IMMP2L: variants seen among roughly 807,000 people sequenced by gnomAD.
The protein encoded by IMMP2L is mitochondrial inner membrane protease subunit 2.
IMMP2L carries 18 observed loss-of-function variants against 19.3 expected under a neutral mutation model. The observed-to-expected ratio is 0.93, with a 90% CI of 0.64 to 1.38. IMMP2L has a LOEUF of 1.38. Among genes scored for constraint, IMMP2L ranks in the 40% most tolerant of loss-of-function variants. IMMP2L has a pLI of 0.00. For missense variants in IMMP2L, 233 were observed against 218.2 expected (o/e 1.07, Z -0.43); for synonymous variants, 76 against 73.0 (o/e 1.04, Z -0.21).
chr7:111,515,342 T>C (rs906561541), intron 2 of IMMP2L, among the ~76,000 whole-genome samples: 1 of 152,164 alleles, frequency 6.6e-6, no homozygotes, highest in African/African-American at 2.4e-5. Flanking sequence ...GAACAGATTT[T>C]TGCTTTAGTC....
intron 3 of IMMP2L, among the ~76,000 whole-genome samples, chr7:111,077,010 C>T (rs540067159): frequency 1.3e-5 from 2 of 152,322 alleles, no homozygotes; most frequent in South Asian, 2.1e-4. Flanking sequence ...TGAGCTGAGT[C>T]TCAGGCTCAG....
intron 3 of IMMP2L, among the ~76,000 whole-genome samples, chr7:111,329,462 G>A (rs899074325): frequency 6.6e-5 from 10 of 151,756 alleles, no homozygotes; most frequent in East Asian, 5.8e-4. Flanking sequence ...CTACACAAAC[G>A]AGAGCAGAGA....
chr7:110,678,334 T>C (rs17157892), intron 5 of IMMP2L, among the ~76,000 whole-genome samples: 4,291 of 152,202 alleles, frequency 0.028, 197 homozygotes, highest in African/African-American at 0.097. Flanking sequence ...ATAGACATAG[T>C]TTAAATATGC....
At chr7:110,973,403 C>T (rs899659039) in intron 3 of IMMP2L, among the ~76,000 whole-genome samples, 9 of 152,092 alleles carry the variant, frequency 5.9e-5, no homozygotes, top group Non-Finnish European at 1.3e-4. Flanking sequence ...ACAACCATAT[C>T]TCAACCTGTG....
intron 4 of IMMP2L, among the ~76,000 whole-genome samples, chr7:110,891,450 C>T (rs565620715): frequency 2.0e-5 from 3 of 152,216 alleles, no homozygotes; most frequent in Admixed American, 2.0e-4. Context: ...GAGAATAATC[C>T]CTCAAATGTG....
intron 1 of IMMP2L, among the ~76,000 whole-genome samples, chr7:111,534,737 A>G (rs372392307): frequency 1.3e-5 from 2 of 152,276 alleles, no homozygotes; most frequent in African/African-American, 2.4e-5. Context: ...TCCCCAGTAC[A>G]TGAAGGTTTT....
chr7:111,074,393 G>T (rs1795214731), intron 3 of IMMP2L, among the ~76,000 whole-genome samples: 1 of 152,144 alleles, frequency 6.6e-6, no homozygotes. Flanking sequence ...TTTAAAGCAA[G>T]ATTTATTTCT....
chr7:111,380,737 G>A (rs1001242302), intron 3 of IMMP2L, among the ~76,000 whole-genome samples: 4 of 151,934 alleles, frequency 2.6e-5, no homozygotes, highest in Admixed American at 2.6e-4. Flanking sequence ...CCTTTAGTTA[G>A]CACTAAAACT....
intron 3 of IMMP2L, among the ~76,000 whole-genome samples, chr7:111,469,641 T>C (rs1841025628): frequency 6.6e-6 from 1 of 152,100 alleles, no homozygotes; most frequent in South Asian, 2.1e-4. Context: ...CCTTATTTAA[T>C]AAATGGTGCT....
At chr7:111,308,389 G>A (rs1297013365) in intron 3 of IMMP2L, among the ~76,000 whole-genome samples, 1 of 151,914 alleles carries the variant, frequency 6.6e-6, no homozygotes, top group Non-Finnish European at 1.5e-5. Flanking sequence ...GTAGGAATCT[G>A]GAGATTGAAG....
intron 4 of IMMP2L, among the ~76,000 whole-genome samples, chr7:110,935,886 A>T (rs1563093678): frequency 6.6e-6 from 1 of 152,186 alleles, no homozygotes; most frequent in Non-Finnish European, 1.5e-5. Context: ...GGCCTCAGAA[A>T]TAATGCCACA....
At chr7:110,785,656 C>T (rs1800024128) in intron 5 of IMMP2L, among the ~76,000 whole-genome samples, 1 of 151,892 alleles carries the variant, frequency 6.6e-6, no homozygotes, top group Non-Finnish European at 1.5e-5. Context: ...TACCGCCTTG[C>T]ATCACCAATG....
intron 3 of IMMP2L, among the ~76,000 whole-genome samples, chr7:111,202,783 T>C (rs1489937431): frequency 1.3e-5 from 2 of 152,274 alleles, no homozygotes; most frequent in African/African-American, 2.4e-5. Context: ...AATGATTGAT[T>C]AGTAGAGTAG....
chr7:110,892,202 G>A (rs1810870100), intron 4 of IMMP2L, among the ~76,000 whole-genome samples: 3 of 152,044 alleles, frequency 2.0e-5, no homozygotes, highest in Admixed American at 1.3e-4. Context: ...GTTACCTCTG[G>A]TCCGTTCCCT....
chr7:111,225,816 A>G (rs1332104099), intron 3 of IMMP2L, among the ~76,000 whole-genome samples: 7 of 151,910 alleles, frequency 4.6e-5, no homozygotes, highest in Admixed American at 3.3e-4. Context: ...TCTGACTTGC[A>G]TGTTGTTTCA....
At chr7:111,126,071 C>T (rs1801279900) in intron 3 of IMMP2L, among the ~76,000 whole-genome samples, 1 of 152,046 alleles carries the variant, frequency 6.6e-6, no homozygotes, top group South Asian at 2.1e-4. Flanking sequence ...GATCTGCCCA[C>T]CTCGGTGCCC....
chr7:110,677,643 G>A (rs1792410384), intron 5 of IMMP2L, among the ~76,000 whole-genome samples: 2 of 152,082 alleles, frequency 1.3e-5, no homozygotes, highest in South Asian at 2.1e-4. Context: ...GGTGAATGAG[G>A]TATGTGAGCA....
intron 3 of IMMP2L, among the ~76,000 whole-genome samples, chr7:111,269,010 A>G (rs1328748037): frequency 6.6e-6 from 1 of 152,114 alleles, no homozygotes; most frequent in Non-Finnish European, 1.5e-5. Context: ...AGCAAGGTCC[A>G]GTTACTGCAT....
chr7:110,693,982 C>A (rs1584521050), intron 5 of IMMP2L, among the ~76,000 whole-genome samples: 2 of 151,986 alleles, frequency 1.3e-5, no homozygotes, highest in African/African-American at 4.8e-5. Flanking sequence ...ACAGAGGGGA[C>A]CTTCATCTTA....
Sources: allele counts gnomAD v4.1 joint callset (sites outside exome capture counted in the v4.1 genomes callset), GRCh38; gene constraint gnomAD v4.1.1; transcripts MANE v1.5; gene names NCBI Gene and HGNC (gene_info 2026-07-23, HGNC 2026-07-21).